The following SPTLC3 variants were observed in gnomAD, a reference collection of about 807,000 sequenced individuals.
The protein encoded by SPTLC3 is serine palmitoyltransferase 3.
SPTLC3 carries 36 observed loss-of-function variants against 59.3 expected under a neutral mutation model. The ratio of observed to expected loss-of-function variants is 0.61; its 90% confidence interval spans 0.47 to 0.80. SPTLC3 has a LOEUF of 0.80. SPTLC3 is among the 30% of genes least tolerant of loss of function. The pLI is 0.00. For synonymous variants in SPTLC3, 257 were observed against 240.8 expected (o/e 1.07, Z -0.62); for missense variants, 625 against 685.1 (o/e 0.91, Z 0.98).
chr20:13,116,664 G>A (rs6074558), intron 7 of SPTLC3, among the ~76,000 whole-genome samples: 55,039 of 151,982 alleles, frequency 0.36, 10,073 homozygotes, highest in Admixed American at 0.4. Flanking sequence ...GACTTGAAGT[G>A]CTTTTGCAAC....
intron 1 of SPTLC3, among the ~76,000 whole-genome samples, chr20:13,018,319 T>C (rs1414434542): frequency 1.3e-5 from 2 of 152,214 alleles, no homozygotes; most frequent in African/African-American, 4.8e-5. Flanking sequence ...TATATTTACA[T>C]TTACAGAGTT....
chr20:13,041,625 G>A (rs1986983738), intron 1 of SPTLC3, among the ~76,000 whole-genome samples: 1 of 151,892 alleles, frequency 6.6e-6, no homozygotes, highest in African/African-American at 2.4e-5. Flanking sequence ...AATATCTGTT[G>A]TTCTTATGTA....
At chr20:13,124,317 G>A (rs1445637271) in intron 8 of SPTLC3, among the ~76,000 whole-genome samples, 1 of 151,846 alleles carries the variant, frequency 6.6e-6, no homozygotes, top group Non-Finnish European at 1.5e-5. Flanking sequence ...GAAGGGGGGA[G>A]GGGGAGAAGA....
At chr20:13,110,255 C>A (rs772648914) in intron 7 of SPTLC3, 38 bp downstream of exon 7, 3 of 1,566,040 alleles carry the variant, frequency 1.9e-6, no homozygotes, top group East Asian at 2.2e-5. Flanking sequence ...GACTCGGAGG[C>A]CTGCAGCAAG....
chr20:13,048,695 T>A (rs1205292037), intron 1 of SPTLC3, among the ~76,000 whole-genome samples: 3 of 152,234 alleles, frequency 2.0e-5, no homozygotes, highest in African/African-American at 7.2e-5. Context: ...AAACACTCTG[T>A]TCCTCATTAA....
intron 10 of SPTLC3, among the ~76,000 whole-genome samples, chr20:13,157,630 T>C (rs1404979475): frequency 6.6e-6 from 1 of 152,040 alleles, no homozygotes; most frequent in African/African-American, 2.4e-5. Context: ...AATGTCATCA[T>C]TGGTGATTCA....
intron 3 of SPTLC3, chr20:13,073,576 G>A (rs1449674067): frequency 1.1e-5 from 2 of 187,144 alleles, no homozygotes; most frequent in African/African-American, 4.7e-5. Context: ...TAATGAACTT[G>A]GTGGAAGGAA....
At chr20:13,158,335 T>C (rs1203298522) in intron 10 of SPTLC3, among the ~76,000 whole-genome samples, 3 of 152,126 alleles carry the variant, frequency 2.0e-5, no homozygotes, top group Non-Finnish European at 4.4e-5. Context: ...TTTAGTAGTG[T>C]AAGGTTTAAA....
chr20:13,043,894 CA>C (rs898537592), intron 1 of SPTLC3, among the ~76,000 whole-genome samples: 6 of 152,090 alleles, frequency 3.9e-5, no homozygotes, highest in Admixed American at 2.0e-4. Flanking sequence ...GCAGGGATAA[CA>C]GGTTGATAAG....
At chr20:13,111,030 T>A (rs1457783566) in intron 7 of SPTLC3, among the ~76,000 whole-genome samples, 1 of 152,052 alleles carries the variant, frequency 6.6e-6, no homozygotes, top group Non-Finnish European at 1.5e-5. Flanking sequence ...CATGAGTGGA[T>A]AATGAGCAGC....
At chr20:13,011,054 A>G (rs1004471702) in intron 1 of SPTLC3, among the ~76,000 whole-genome samples, 1 of 152,176 alleles carries the variant, frequency 6.6e-6, no homozygotes, top group Admixed American at 6.5e-5. Flanking sequence ...CTTGTCTCAG[A>G]CATATTTAGG....
At chr20:13,091,390 T>C (rs547549836) in intron 5 of SPTLC3, among the ~76,000 whole-genome samples, 183 bp downstream of exon 5, 7 of 151,964 alleles carry the variant, frequency 4.6e-5, no homozygotes, top group Admixed American at 3.9e-4. Context: ...CTGGCCAACA[T>C]AGTGAAACCC....
chr20:13,012,170 T>C (rs1985287942), intron 1 of SPTLC3, among the ~76,000 whole-genome samples: 2 of 152,190 alleles, frequency 1.3e-5, no homozygotes, highest in African/African-American at 2.4e-5. Flanking sequence ...AAGTAGTTTC[T>C]TAAGAGGATA....
At chr20:13,048,460 CT>C (rs1987327373) in intron 1 of SPTLC3, among the ~76,000 whole-genome samples, 1 of 152,118 alleles carries the variant, frequency 6.6e-6, no homozygotes, top group South Asian at 2.1e-4. Flanking sequence ...TACCATGTTC[CT>C]TTAGTCTAGT....
chr20:13,097,091 T>A (rs866798548), intron 6 of SPTLC3, among the ~76,000 whole-genome samples: 19 of 152,264 alleles, frequency 1.2e-4, no homozygotes, highest in Admixed American at 2.6e-4. Context: ...ACCCTCGTCA[T>A]TGTCATCAGT....
chr20:13,116,310 A>G (rs1373185373), intron 7 of SPTLC3, among the ~76,000 whole-genome samples: 1 of 152,166 alleles, frequency 6.6e-6, no homozygotes, highest in Non-Finnish European at 1.5e-5. Context: ...TCTTGAACTA[A>G]CCTAAACGGT....
chr20:13,039,236 T>C (rs1425770512), intron 1 of SPTLC3, among the ~76,000 whole-genome samples: 1 of 150,338 alleles, frequency 6.7e-6, no homozygotes, highest in East Asian at 1.9e-4. Context: ...GACTCTAATA[T>C]TATTATGAAA....
intron 1 of SPTLC3, among the ~76,000 whole-genome samples, chr20:13,046,726 A>T (rs1196370347): frequency 6.6e-6 from 1 of 152,190 alleles, no homozygotes; most frequent in Non-Finnish European, 1.5e-5. Flanking sequence ...TCAGCCATCC[A>T]TCAGACCTAC....
rs1055375449 is a variant in SPTLC3 at position 13,089,800 on chromosome 20, A to C, written c.608-1283A>C. ...GATTCTATCTCAAAAAAAAAAAAAA[A>C]AAAACAAAACAATGTGCTATTTTAC... On this transcript the variant is annotated intron_variant, in intron 4 of 11. Transcript: ENST00000399002. 2.2e-4 allele frequency among the ~76,000 whole-genome samples: 33 copies of C among 149,490 alleles called. 2 individuals carry two copies. The highest frequency in any genetic ancestry group is 1.2e-3 in the East Asian group (6 of 5,060).
Sources: gnomAD v4.1 joint callset for allele counts (sites outside exome capture counted in the v4.1 genomes callset) on GRCh38, gnomAD v4.1.1 for gene constraint, MANE v1.5 for transcripts, NCBI Gene and HGNC (gene_info 2026-07-23, HGNC 2026-07-21) for gene names.